Variants in SCFD2 observed in about 807,000 individuals in gnomAD.
SCFD2 encodes the protein sec1 family domain containing 2, also known as sec1 family domain-containing protein 2.
SCFD2 carries 54 observed loss-of-function variants against 58.9 expected under a neutral mutation model. The ratio of observed to expected loss-of-function variants is 0.92; its 90% CI spans 0.74 to 1.15. The LOEUF (loss-of-function observed/expected upper bound fraction) is 1.15, where lower values mean the gene tolerates loss of function less well. Ranked by LOEUF, SCFD2 falls within the 50% of genes most tolerant of loss-of-function variation. The probability of loss-of-function intolerance (pLI) is 0.00; values close to 1 mark genes in which losing one functional copy is unlikely to be tolerated. For missense variants in SCFD2, 805 were observed against 836.6 expected (o/e 0.96, Z 0.47); for synonymous variants, 321 against 335.9 (o/e 0.96, Z 0.49).
At chr4:52,965,467 G>T (rs1167673490) in intron 5 of SCFD2, among the ~76,000 whole-genome samples, 1 of 152,152 alleles carries the variant, frequency 6.6e-6, no homozygotes, top group African/African-American at 2.4e-5. Flanking sequence ...CCCACAGAGT[G>T]GTGTCCCGTA....
Position 52,920,833 on chromosome 4 carries a change from G to A in SCFD2, c.1599C>T (p.Ser533=). Residue 533 remains serine (S), a synonymous_variant, in exon 6 of 9, where the codon TCC becomes TCT. Transcript: ENST00000401642. ...TAAAGAGTTCATCCACGGCAATTTTGGATTTGTGAAATGTCAGATTAATTG... is the reference window on the plus strand; with the variant it reads ...TAAAGAGTTCATCCACGGCAATTTTAGATTTGTGAAATGTCAGATTAATTG... ...DSSINLTFHK[S]KIAVDELFTS... The A allele has an allele frequency of 6.2e-7, 1 of 1,611,088 alleles. No homozygotes were observed. Among genetic ancestry groups the A allele is most frequent in the East Asian group, 2.2e-5 (1 of 44,706 alleles).
At chr4:53,271,194 C>T (rs1440975439) in intron 4 of SCFD2, among the ~76,000 whole-genome samples, 1 of 151,962 alleles carries the variant, frequency 6.6e-6, no homozygotes, top group Admixed American at 6.6e-5. Context: ...GCCTTACCTG[C>T]TTCAATATTT....
chr4:52,992,843 G>T (rs558430550), intron 5 of SCFD2, among the ~76,000 whole-genome samples: 31 of 152,248 alleles, frequency 2.0e-4, no homozygotes, highest in Admixed American at 8.5e-4. Flanking sequence ...CGGCTGCCCC[G>T]TCTGGGAAGT....
At chr4:52,897,046 G>T (rs1048676002) in intron 7 of SCFD2, among the ~76,000 whole-genome samples, 21 of 152,306 alleles carry the variant, frequency 1.4e-4, no homozygotes, top group Admixed American at 5.2e-4. Context: ...TCAGCTGAAG[G>T]AGATTTTGGG....
intron 4 of SCFD2, among the ~76,000 whole-genome samples, chr4:53,216,151 C>G (rs1728823747): frequency 6.6e-6 from 1 of 152,168 alleles, no homozygotes; most frequent in South Asian, 2.1e-4. Context: ...CAGGATGATG[C>G]TGGCCTCATA....
At chr4:53,243,071 A>G (rs1167139605) in intron 4 of SCFD2, among the ~76,000 whole-genome samples, 1 of 152,232 alleles carries the variant, frequency 6.6e-6, no homozygotes, top group Non-Finnish European at 1.5e-5. Flanking sequence ...GATATCCTCC[A>G]TGAGAACTTC....
intron 5 of SCFD2, among the ~76,000 whole-genome samples, chr4:53,050,974 C>T (rs1212777319): frequency 6.6e-6 from 1 of 152,156 alleles, no homozygotes; most frequent in African/African-American, 2.4e-5. Flanking sequence ...CTGGTAGGCG[C>T]TCTCTCAAAA....
intron 4 of SCFD2, among the ~76,000 whole-genome samples, chr4:53,270,753 T>C (rs541146216): frequency 1.6e-4 from 24 of 152,314 alleles, no homozygotes; most frequent in Middle Eastern, 6.8e-3. Context: ...ACTGAATTCA[T>C]AATGGCATTA....
At chr4:52,996,106 A>G (rs1330474254) in intron 5 of SCFD2, among the ~76,000 whole-genome samples, 1 of 152,212 alleles carries the variant, frequency 6.6e-6, no homozygotes, top group Non-Finnish European at 1.5e-5. Context: ...AAGCCTAAAC[A>G]AAAAGTCACC....
chr4:53,251,547 G>T (rs1400865646), intron 4 of SCFD2, among the ~76,000 whole-genome samples: 3 of 152,124 alleles, frequency 2.0e-5, no homozygotes, highest in Admixed American at 2.0e-4. Context: ...GATCAAATGG[G>T]CTTCATCCCT....
chr4:52,908,964 A>T (rs1577818741), intron 6 of SCFD2, among the ~76,000 whole-genome samples: 1 of 152,208 alleles, frequency 6.6e-6, no homozygotes, highest in Non-Finnish European at 1.5e-5. Context: ...AAAACTATGG[A>T]TCCACCTTGC....
intron 5 of SCFD2, among the ~76,000 whole-genome samples, chr4:52,954,137 G>T (rs1720660043): frequency 6.6e-6 from 1 of 152,194 alleles, no homozygotes; most frequent in Non-Finnish European, 1.5e-5. Flanking sequence ...CTAAGCATGA[G>T]CTGCTCCCAC....
At chr4:53,061,480 C>A (rs1481680761) in intron 5 of SCFD2, among the ~76,000 whole-genome samples, 1 of 152,152 alleles carries the variant, frequency 6.6e-6, no homozygotes, top group Non-Finnish European at 1.5e-5. Flanking sequence ...CCAGTCCATT[C>A]CTGTCTTAGG....
At chr4:52,977,834 G>C (rs1006083548) in intron 5 of SCFD2, among the ~76,000 whole-genome samples, 1 of 152,192 alleles carries the variant, frequency 6.6e-6, no homozygotes, top group Non-Finnish European at 1.5e-5. Flanking sequence ...TACAGCCTAA[G>C]AAGGATGAAG....
intron 5 of SCFD2, among the ~76,000 whole-genome samples, chr4:52,970,394 C>A (rs1333646312): frequency 1.3e-4 from 20 of 152,250 alleles, no homozygotes; most frequent in Non-Finnish European, 2.5e-4. Flanking sequence ...TCAGAGGGTC[C>A]TATGCCCATG....
chr4:53,172,111 A>C (rs1727198259), intron 4 of SCFD2, among the ~76,000 whole-genome samples: 1 of 151,674 alleles, frequency 6.6e-6, no homozygotes, highest in African/African-American at 2.4e-5. Context: ...GGTTCAACTG[A>C]TTCTCCTGCT....
At chr4:53,108,339 A>C (rs1167362912) in intron 5 of SCFD2, among the ~76,000 whole-genome samples, 2 of 152,182 alleles carry the variant, frequency 1.3e-5, no homozygotes, top group Admixed American at 6.5e-5. Flanking sequence ...AAACAAATTC[A>C]AAAGCTAACA....
intron 5 of SCFD2, among the ~76,000 whole-genome samples, chr4:52,943,631 G>C (rs1338193307): frequency 6.6e-6 from 1 of 152,074 alleles, no homozygotes; most frequent in East Asian, 1.9e-4. Context: ...CCTTTATAAG[G>C]GCACTTAATC....
At chr4:53,256,847 A>G (rs1730655055) in intron 4 of SCFD2, among the ~76,000 whole-genome samples, 1 of 140,378 alleles carries the variant, frequency 7.1e-6, no homozygotes, top group African/African-American at 2.6e-5. Context: ...CATCAGAGGG[A>G]GACCGTGGAA....
Sources: allele counts gnomAD v4.1 joint callset (sites outside exome capture counted in the v4.1 genomes callset), GRCh38; gene constraint gnomAD v4.1.1; transcripts MANE v1.5; gene names NCBI Gene and HGNC (gene_info 2026-07-23, HGNC 2026-07-21).